SLC35F3: variants seen among roughly 807,000 people sequenced by gnomAD.
SLC35F3 encodes putative thiamine transporter SLC35F3.
In SLC35F3, 25 loss-of-function variants were observed where a neutral mutation model predicts 49.9. That is an observed-to-expected ratio of 0.50 (90% CI 0.37 to 0.70). The LOEUF is 0.70. Among genes scored for constraint, SLC35F3 ranks in the 30% least tolerant of loss-of-function variants. The pLI is 0.00. For missense variants in SLC35F3, 525 were observed against 639.8 expected (o/e 0.82, Z 1.94); for synonymous variants, 275 against 265.4 (o/e 1.04, Z -0.35).
intron 2 of SLC35F3, among the ~76,000 whole-genome samples, chr1:233,932,687 A>G (rs1662264655): frequency 6.6e-6 from 1 of 152,232 alleles, no homozygotes; most frequent in Non-Finnish European, 1.5e-5. Context: ...CACTCCACAT[A>G]CAGACATTGA....
At chr1:234,272,137 G>C (rs371239237) in intron 3 of SLC35F3, among the ~76,000 whole-genome samples, 28 of 152,092 alleles carry the variant, frequency 1.8e-4, no homozygotes, top group African/African-American at 6.8e-4. Context: ...AAAAAAGAAA[G>C]AAACAAATGT....
rs1389264332 is a variant in SLC35F3, at chr1:234,071,815, C to G, written c.284-159602C>G. ...TGCCTCGTTAAGATGTAATTAATGG[C>G]CAAGGACCACCCTTTCTACTCCCCA... On this transcript the variant is annotated intron_variant, in intron 2 of 7. Transcript: ENST00000366618. Among the ~76,000 whole-genome samples the G allele has an allele frequency of 2.0e-5, 3 of 152,160 alleles. No homozygotes were observed. The East Asian group carries it at 5.8e-4, about 29-fold the overall frequency.
intron 7 of SLC35F3, 74 bp from the exon 8 acceptor site, chr1:234,322,934 C>A: frequency 7.8e-7 from 1 of 1,275,350 alleles, no homozygotes; most frequent in Non-Finnish European, 1.1e-6. Context: ...AGGGTGCCCC[C>A]AGGCCCTGCC....
chr1:233,947,199 A>G (rs988860750), intron 2 of SLC35F3, among the ~76,000 whole-genome samples: 23 of 152,324 alleles, frequency 1.5e-4, no homozygotes, highest in African/African-American at 5.3e-4. Flanking sequence ...GGCTAAAAAG[A>G]ATACTTCTGT....
intron 2 of SLC35F3, among the ~76,000 whole-genome samples, chr1:234,110,320 A>C (rs1241860916): frequency 1.3e-5 from 2 of 152,216 alleles, no homozygotes; most frequent in Non-Finnish European, 2.9e-5. Context: ...AATTTCCTAG[A>C]ATGTGTCAAT....
intron 2 of SLC35F3, among the ~76,000 whole-genome samples, chr1:233,930,461 A>G (rs1662224875): frequency 6.6e-6 from 1 of 152,198 alleles, no homozygotes; most frequent in Non-Finnish European, 1.5e-5. Context: ...CTATTGAACA[A>G]TTTATTCATA....
chr1:234,291,475 T>C (rs1410790923), intron 3 of SLC35F3, among the ~76,000 whole-genome samples: 2 of 152,050 alleles, frequency 1.3e-5, no homozygotes, highest in African/African-American at 4.8e-5. Context: ...TAGAGGATAT[T>C]TTTTTTAAGA....
rs189969789 is a variant in SLC35F3, at chr1:234,275,851, T to C, written c.609-33250T>C. ...TAGTATTAATATGTGCCAGGTACTATTCTAAGCACTGTGCACATATTAAAT... is the reference window on the plus strand; with the variant it reads ...TAGTATTAATATGTGCCAGGTACTACTCTAAGCACTGTGCACATATTAAAT... On this transcript the variant is annotated intron_variant, in intron 3 of 7. Transcript: ENST00000366618. Among the ~76,000 whole-genome samples, 79 of 152,218 alleles carry C rather than the reference T, an allele frequency of 5.2e-4. 1 individual carries two copies. Among genetic ancestry groups the C allele is most frequent in the African/African-American group, 1.8e-3 (74 of 41,552 alleles).
chr1:234,020,245 T>C (rs1274708991), intron 2 of SLC35F3, among the ~76,000 whole-genome samples: 1 of 152,250 alleles, frequency 6.6e-6, no homozygotes, highest in Non-Finnish European at 1.5e-5. Flanking sequence ...TTTAGCATTT[T>C]TTGTTTCTGT....
chr1:234,029,512 T>A (rs1405266968), intron 2 of SLC35F3, among the ~76,000 whole-genome samples: 3 of 152,182 alleles, frequency 2.0e-5, no homozygotes, highest in African/African-American at 7.2e-5. Context: ...CCTAGAACCA[T>A]GATACTGGCC....
chr1:234,182,444 G>T (rs1666573347), intron 2 of SLC35F3, among the ~76,000 whole-genome samples: 1 of 152,184 alleles, frequency 6.6e-6, no homozygotes, highest in South Asian at 2.1e-4. Flanking sequence ...CTGGGCTCTA[G>T]GAGTGCTGTT....
chr1:234,059,876 C>T (rs1664515558), intron 2 of SLC35F3, among the ~76,000 whole-genome samples: 1 of 152,304 alleles, frequency 6.6e-6, no homozygotes, highest in South Asian at 2.1e-4. Flanking sequence ...CATCTCACCA[C>T]TTCATGTTTT....
In SLC35F3 at chr1:234,269,149, C is replaced by T. The variant is rs1034068078; in HGVS notation, c.608+37408C>T. Among the ~76,000 whole-genome samples, 7 of 152,142 alleles carry T rather than the reference C, an allele frequency of 4.6e-5. No individual in the cohort carries two copies. In the East Asian group the frequency reaches 1.4e-3, roughly 29 times the overall value. On this transcript the variant is annotated intron_variant, in intron 3 of 7. Transcript: ENST00000366618. ...TGTAGTGTAAATATTTTTACACATCCAATATTTAGTTTAATATGTTAAAGA... is the reference window on the plus strand; with the variant it reads ...TGTAGTGTAAATATTTTTACACATCTAATATTTAGTTTAATATGTTAAAGA...
Position 234,159,232 on chromosome 1 carries a change from C to A in SLC35F3, c.284-72185C>A, listed in dbSNP as rs138601394. Among the ~76,000 whole-genome samples, 17 of 152,154 alleles carry A rather than the reference C, an allele frequency of 1.1e-4. No individual in the cohort carries two copies. In the East Asian group the frequency reaches 3.1e-3, roughly 28 times the overall value. On this transcript the variant is annotated intron_variant, in intron 2 of 7. Coordinates refer to ENST00000366618, the MANE Select transcript of SLC35F3 (RefSeq NM_173508.4). The stretch of plus-strand genomic sequence containing the variant: ...TTCTCAGTATTTCTAAGAAACTAAC[C>A]CTTGCCAAGGAAAACAAGCAGTAAG...
chr1:233,920,938 C>T (rs886217771), intron 2 of SLC35F3, among the ~76,000 whole-genome samples: 3 of 152,236 alleles, frequency 2.0e-5, no homozygotes, highest in African/African-American at 4.8e-5. Flanking sequence ...CTGGATGGAA[C>T]AGCCCTGGCT....
chr1:234,223,252 G>T, intron 2 of SLC35F3, among the ~76,000 whole-genome samples: 1 of 152,142 alleles, frequency 6.6e-6, no homozygotes, highest in East Asian at 1.9e-4. Flanking sequence ...TAGAAATGCC[G>T]ATTTAGGTGT....
At chr1:234,055,611 A>C (rs1232219809) in intron 2 of SLC35F3, among the ~76,000 whole-genome samples, 9 of 152,116 alleles carry the variant, frequency 5.9e-5, no homozygotes, top group Non-Finnish European at 8.8e-5. Flanking sequence ...TTCCCGGGTG[A>C]GGTGATGCCC....
At chr1:234,105,123 G>A (rs141370706) in intron 2 of SLC35F3, among the ~76,000 whole-genome samples, 4,187 of 95,876 alleles carry the variant, frequency 0.044, 99 homozygotes, top group Non-Finnish European at 0.063. Context: ...GTGAGACTCC[G>A]TTAAAAAAAA....
Position 233,992,532 on chromosome 1 carries a change from A to G in SLC35F3, c.283+86774A>G, listed in dbSNP as rs191500636. On this transcript the variant is annotated intron_variant, in intron 2 of 7. Transcript: ENST00000366618. ...TAGGAACTAATCTGTTCCCATGAGAACTAATGCAGTCTTGCAAAAGAGAGA... is the reference window on the plus strand; with the variant it reads ...TAGGAACTAATCTGTTCCCATGAGAGCTAATGCAGTCTTGCAAAAGAGAGA... Among the ~76,000 whole-genome samples, 210 of 152,304 alleles carry G rather than the reference A, an allele frequency of 1.4e-3. 1 individual carries two copies. The highest frequency in any genetic ancestry group is 4.6e-3 in the African/African-American group (191 of 41,578).
Sources: allele counts gnomAD v4.1 joint callset (sites outside exome capture counted in the v4.1 genomes callset), GRCh38; gene constraint gnomAD v4.1.1; transcripts MANE v1.5; gene names NCBI Gene and HGNC (gene_info 2026-07-23, HGNC 2026-07-21).